Variants in SSBP2 observed in about 807,000 individuals in gnomAD.
The protein encoded by SSBP2 is single stranded DNA binding protein 2.
A neutral mutation model predicts 61.8 loss-of-function variants in SSBP2; 17 were observed. That is an observed-to-expected ratio of 0.28 (90% CI 0.19 to 0.41). SSBP2 has a LOEUF of 0.41. SSBP2 is among the 10% of genes least tolerant of loss of function. The probability of loss-of-function intolerance (pLI) is 1.00; values close to 1 mark genes in which losing one functional copy is unlikely to be tolerated. For missense variants in SSBP2, 310 were observed against 458.7 expected (o/e 0.68, Z 2.96); for synonymous variants, 139 against 141.3 (o/e 0.98, Z 0.12).
At chr5:81,713,179 T>A (rs1394668306) in intron 1 of SSBP2, among the ~76,000 whole-genome samples, 1 of 152,086 alleles carries the variant, frequency 6.6e-6, no homozygotes, top group Non-Finnish European at 1.5e-5. Flanking sequence ...TATTACATAA[T>A]AGAATCTCCA....
intron 1 of SSBP2, among the ~76,000 whole-genome samples, chr5:81,724,827 C>A (rs76976200): frequency 5.2e-4 from 79 of 152,134 alleles, no homozygotes; most frequent in African/African-American, 1.8e-3. Flanking sequence ...CCTTATCAAA[C>A]GCAGCTACGA....
intron 1 of SSBP2, among the ~76,000 whole-genome samples, chr5:81,665,875 T>C (rs920633507): frequency 6.6e-6 from 1 of 152,210 alleles, no homozygotes; most frequent in African/African-American, 2.4e-5. Flanking sequence ...CCAATGATAC[T>C]TATCAATGTC....
At chr5:81,694,458 A>G (rs889348681) in intron 1 of SSBP2, among the ~76,000 whole-genome samples, 2 of 152,234 alleles carry the variant, frequency 1.3e-5, no homozygotes, top group African/African-American at 2.4e-5. Context: ...ACCCACAAAA[A>G]TTAACAATTA....
intron 2 of SSBP2, among the ~76,000 whole-genome samples, chr5:81,646,589 T>C (rs1356575513): frequency 6.7e-6 from 1 of 148,652 alleles, no homozygotes; most frequent in Non-Finnish European, 1.5e-5. Flanking sequence ...AATTATTACA[T>C]TCTCTAAAAT....
intron 4 of SSBP2, among the ~76,000 whole-genome samples, chr5:81,555,415 T>C (rs1772518156): frequency 6.6e-6 from 1 of 152,038 alleles, no homozygotes; most frequent in African/African-American, 2.4e-5. Flanking sequence ...CCCATGTAAA[T>C]TGTGGTTAAA....
In SSBP2 at chr5:81,460,446, C is replaced by A. The variant is rs371351173; in HGVS notation, c.687+609G>T. Among the ~76,000 whole-genome samples the A allele has an allele frequency of 1.4e-4, 21 of 152,268 alleles. No individual in the cohort carries two copies. The East Asian group carries it at 3.3e-3, about 24-fold the overall frequency. ...TTAAGATCGATAGCTTAATTTTCAACCTGTGCACATATTTCTGTGACATTA... is the reference window on the plus strand; with the variant it reads ...TTAAGATCGATAGCTTAATTTTCAAACTGTGCACATATTTCTGTGACATTA... On this transcript the variant is annotated intron_variant, in intron 10 of 16. Coordinates refer to ENST00000320672, the MANE Select transcript of SSBP2 (RefSeq NM_012446.5).
chr5:81,747,543 T>C (rs1757436086), intron 1 of SSBP2, among the ~76,000 whole-genome samples: 1 of 152,176 alleles, frequency 6.6e-6, no homozygotes, highest in Non-Finnish European at 1.5e-5. Context: ...TTTAGGGGTA[T>C]TTCTGAAATA....
intron 3 of SSBP2, among the ~76,000 whole-genome samples, chr5:81,624,812 C>T (rs548583684): frequency 2.2e-4 from 34 of 152,090 alleles, no homozygotes; most frequent in Non-Finnish European, 4.9e-4. Flanking sequence ...AACCAGAAGA[C>T]TTCTATAAAC....
rs1052857445 is a variant in SSBP2, at chr5:81,498,392, T to C, written c.373-9083A>G. ...ACCTGTGTAAACATGACTTTAGACA[T>C]ATTTATTCTTTCCTCTGATACTTTC... On this transcript the variant is annotated intron_variant, in intron 5 of 16. Transcript: ENST00000320672. Among the ~76,000 whole-genome samples the C allele has an allele frequency of 9.2e-5, 14 of 152,234 alleles. No homozygotes were observed. In the South Asian group the frequency reaches 2.3e-3, roughly 25 times the overall value.
intron 1 of SSBP2, among the ~76,000 whole-genome samples, chr5:81,697,466 C>T (rs1481634484): frequency 6.6e-6 from 1 of 152,148 alleles, no homozygotes; most frequent in Non-Finnish European, 1.5e-5. Flanking sequence ...GAACTTATAA[C>T]GTAGTATTTA....
At chr5:81,438,142 G>C (rs184010091) in intron 14 of SSBP2, among the ~76,000 whole-genome samples, 231 of 152,130 alleles carry the variant, frequency 1.5e-3, no homozygotes, top group Non-Finnish European at 2.5e-3. Context: ...TTGAGGTCCG[G>C]AGTTCGAGAC....
At chr5:81,609,587 T>C (rs972040000) in intron 4 of SSBP2, among the ~76,000 whole-genome samples, 1 of 152,086 alleles carries the variant, frequency 6.6e-6, no homozygotes, top group Non-Finnish European at 1.5e-5. Flanking sequence ...AAAAAGTTAA[T>C]AAACAAATGA....
chr5:81,702,412 G>C (rs403777), intron 1 of SSBP2, among the ~76,000 whole-genome samples: 72,061 of 152,028 alleles, frequency 0.47, 17,750 homozygotes, highest in Middle Eastern at 0.69. Context: ...GTAATATTTA[G>C]AAGAGGACAA....
At chr5:81,729,173 T>C in intron 1 of SSBP2, among the ~76,000 whole-genome samples, 1 of 152,244 alleles carries the variant, frequency 6.6e-6, no homozygotes, top group East Asian at 1.9e-4. Context: ...AAAAAATAAA[T>C]ATGCTGTCCT....
intron 14 of SSBP2, among the ~76,000 whole-genome samples, chr5:81,438,451 CAATT>C (rs1233890897): frequency 4.0e-4 from 61 of 151,692 alleles, no homozygotes; most frequent in African/African-American, 1.3e-3. Context: ...TAACTTCTGA[CAATT>C]AATTTTCCTA....
intron 16 of SSBP2, among the ~76,000 whole-genome samples, chr5:81,424,903 CAT>C (rs1761857507): frequency 6.6e-6 from 1 of 152,162 alleles, no homozygotes; most frequent in Non-Finnish European, 1.5e-5. Context: ...TATGTGATGA[CAT>C]ATTGTAATGT....
chr5:81,599,186 A>G (rs1744093272), intron 4 of SSBP2, among the ~76,000 whole-genome samples: 1 of 152,108 alleles, frequency 6.6e-6, no homozygotes, highest in Non-Finnish European at 1.5e-5. Flanking sequence ...ACGAATACTC[A>G]ACCTCTTTTT....
chr5:81,717,111 C>T (rs1337414319), intron 1 of SSBP2, among the ~76,000 whole-genome samples: 1 of 152,102 alleles, frequency 6.6e-6, no homozygotes, highest in Non-Finnish European at 1.5e-5. Context: ...TGGGTCTTCT[C>T]CCAATCCTGT....
intron 4 of SSBP2, among the ~76,000 whole-genome samples, chr5:81,532,821 T>C (rs1770518288): frequency 6.6e-6 from 1 of 151,124 alleles, no homozygotes; most frequent in Non-Finnish European, 1.5e-5. Context: ...AATAAGAGAG[T>C]AAATGGATCA....
Sources: gnomAD v4.1 joint callset for allele counts (sites outside exome capture counted in the v4.1 genomes callset) on GRCh38, gnomAD v4.1.1 for gene constraint, MANE v1.5 for transcripts, NCBI Gene and HGNC (gene_info 2026-07-23, HGNC 2026-07-21) for gene names.